PPP2R3A: variants seen among roughly 807,000 people sequenced by gnomAD.
PPP2R3A encodes the protein serine/threonine-protein phosphatase 2A regulatory subunit B'' subunit alpha.
A neutral mutation model predicts 106.9 loss-of-function variants in PPP2R3A; 80 were observed. The ratio of observed to expected loss-of-function variants is 0.75; its 90% CI spans 0.62 to 0.90. The LOEUF is 0.90. Among genes scored for constraint, PPP2R3A ranks in the 40% least tolerant of loss-of-function variants. The pLI is 0.00. For missense variants in PPP2R3A, 1,386 were observed against 1,350.4 expected, an observed-to-expected ratio of 1.03 and a Z score of -0.41; for synonymous variants, 483 against 468.3, an observed-to-expected ratio of 1.03 and a Z score of -0.41.
intron 13 of PPP2R3A, among the ~76,000 whole-genome samples, chr3:136,122,833 G>A (rs1407423856): frequency 6.6e-6 from 1 of 152,092 alleles, no homozygotes; most frequent in East Asian, 1.9e-4. Context: ...GAAGTAAATG[G>A]GTGTTATCCC....
chr3:136,093,052 T>G (rs1405670478), intron 10 of PPP2R3A, among the ~76,000 whole-genome samples: 1 of 152,202 alleles, frequency 6.6e-6, no homozygotes, highest in Admixed American at 6.5e-5. Context: ...GGCAGTTTCT[T>G]AGATGTGACA....
At chr3:136,066,885 T>C (rs1936276230) in intron 5 of PPP2R3A, among the ~76,000 whole-genome samples, 2 of 152,220 alleles carry the variant, frequency 1.3e-5, no homozygotes, top group Non-Finnish European at 2.9e-5. Context: ...ATATCATTTA[T>C]TAATGTCGTA....
At chr3:136,018,110 T>C (rs1332706366) in intron 2 of PPP2R3A, among the ~76,000 whole-genome samples, 6 of 152,096 alleles carry the variant, frequency 3.9e-5, no homozygotes, top group African/African-American at 1.4e-4. Flanking sequence ...CTACTAAAAA[T>C]ACAAAAATTA....
At position 136,145,925 on chromosome 3, in the gene PPP2R3A, T is replaced by C. The variant is rs1054538669; in HGVS notation, c.*759T>C. The C allele has an allele frequency of 6.6e-6, 1 of 152,228 alleles. No individual in the cohort carries two copies. Among genetic ancestry groups the C allele is most frequent in the South Asian group, 2.1e-4 (1 of 4,834 alleles). 9.4% of individuals were successfully genotyped at this position (152,228 alleles called of 1,614,324 possible). A position where few individuals can be genotyped will look rare whatever the true frequency, so the allele number is the denominator to read the frequency against. On this transcript the variant is annotated 3_prime_UTR_variant, in exon 14 of 14. Coordinates refer to ENST00000264977, the MANE Select transcript of PPP2R3A (RefSeq NM_002718.5). ...CCTTTTAACTTTTATCTTTTATTCATTGAACTATTGAATGATGTATTTAAT... is the reference window on the plus strand; with the variant it reads ...CCTTTTAACTTTTATCTTTTATTCACTGAACTATTGAATGATGTATTTAAT...
rs35643220 is a variant in PPP2R3A, at chr3:136,011,994, T to TACACACACACAC, written c.1995+8510_1995+8521dup. 4.7e-5 allele frequency among the ~76,000 whole-genome samples: 7 copies of TACACACACACAC among 148,278 alleles called. No homozygotes were observed. The South Asian group carries it at 1.3e-3, about 27-fold the overall frequency. On this transcript the variant is annotated intron_variant, in intron 2 of 13. Coordinates refer to ENST00000264977, the MANE Select transcript of PPP2R3A (RefSeq NM_002718.5). ...AATCATACACACACACACACACACA[T>TACACACACACAC]ACACACACACACACACACACTCTCC...
At chr3:135,977,253 TTC>T (rs1290192511) in intron 1 of PPP2R3A, among the ~76,000 whole-genome samples, 2 of 152,214 alleles carry the variant, frequency 1.3e-5, no homozygotes, top group Non-Finnish European at 2.9e-5. Context: ...GTCTTGACTC[TTC>T]TGGCACATTT....
intron 1 of PPP2R3A, among the ~76,000 whole-genome samples, chr3:135,993,268 A>G (rs1457981050): frequency 2.0e-5 from 3 of 152,206 alleles, no homozygotes; most frequent in Admixed American, 2.0e-4. Flanking sequence ...GACACTTCAC[A>G]AAAGAAGATA....
At chr3:136,096,968 C>CAA (rs995660064) in intron 10 of PPP2R3A, among the ~76,000 whole-genome samples, 20 of 141,562 alleles carry the variant, frequency 1.4e-4, no homozygotes, top group African/African-American at 6.4e-4. Flanking sequence ...GACTTTGTCT[C>CAA]ACACACACAC....
At position 136,145,417 on chromosome 3, in the gene PPP2R3A, C is replaced by T. The variant is rs548730438; in HGVS notation, c.*251C>T. On this transcript the variant is annotated 3_prime_UTR_variant, in exon 14 of 14. Coordinates refer to ENST00000264977, the MANE Select transcript of PPP2R3A (RefSeq NM_002718.5). Reference sequence around the variant, plus strand: ...ACCATCGCCTTCCAAAGTCAGCACTCTACACTCTTGAATGTACCAAGGATC... The same window carrying T: ...ACCATCGCCTTCCAAAGTCAGCACTTTACACTCTTGAATGTACCAAGGATC... 6.9e-5 allele frequency: 22 copies of T among 320,344 alleles called. No homozygotes were observed. The highest frequency in any genetic ancestry group is 2.0e-3 in the Middle Eastern group (2 of 1,020). The allele number at this position is 320,344 out of a possible 1,614,324, so 19.8% of individuals were successfully genotyped here. A position where few individuals can be genotyped will look rare whatever the true frequency, so the allele number is the denominator to read the frequency against.
intron 2 of PPP2R3A, among the ~76,000 whole-genome samples, chr3:136,006,801 T>C (rs1364632676): frequency 6.6e-6 from 1 of 152,250 alleles, no homozygotes; most frequent in African/African-American, 2.4e-5. Context: ...GAATCCATTA[T>C]TTCTCTCAAA....
intron 2 of PPP2R3A, among the ~76,000 whole-genome samples, chr3:136,005,261 C>T (rs946143832): frequency 1.3e-5 from 2 of 152,114 alleles, no homozygotes; most frequent in Admixed American, 1.3e-4. Context: ...GGGCCCCATC[C>T]CCAAGGTATC....
At position 136,145,121 on chromosome 3, in the gene PPP2R3A, C is replaced by G. The variant is rs1014342368; in HGVS notation, c.3408C>G (p.Ser1136Arg). The G allele has an allele frequency of 1.2e-6, 2 of 1,613,762 alleles. No homozygotes were observed. The highest frequency in any genetic ancestry group is 1.7e-4 in the Middle Eastern group (1 of 6,060). Residue 1136 changes from serine to arginine, a missense_variant, in exon 14 of 14, where the codon AGC (serine) becomes AGG (arginine). Ser to Arg is a moderately radical substitution (Grantham distance 110). Transcript: ENST00000264977. ...AAAGCAATAAAATATTAAGTGCAAG[C>G]CTTCCAGAGAAATGTGGAAAGCTTC... Reference protein sequence around the residue: ...GNKSNKILSASLPEKCGKLQS... With the variant: ...GNKSNKILSARLPEKCGKLQS...
chr3:136,140,442 T>TAAAAAAAAAAAAAAAAAAAAAAAA (rs199699500), intron 13 of PPP2R3A, among the ~76,000 whole-genome samples: 2 of 87,240 alleles, frequency 2.3e-5, no homozygotes, highest in African/African-American at 9.6e-5. Flanking sequence ...TGAGACTCTT[T>TAAAAAAAAAAAAAAAAAAAAAAAA]AAAAAAAAAA....
chr3:135,979,418 T>C (rs1485582511), intron 1 of PPP2R3A, among the ~76,000 whole-genome samples: 2 of 151,578 alleles, frequency 1.3e-5, no homozygotes, highest in African/African-American at 2.4e-5. Context: ...TTGAGAAACA[T>C]TGATCTGCAT....
chr3:136,003,886 TC>T (rs1327932080), intron 2 of PPP2R3A, among the ~76,000 whole-genome samples: 1 of 152,170 alleles, frequency 6.6e-6, no homozygotes, highest in Non-Finnish European at 1.5e-5. Context: ...GTCGTCACCC[TC>T]CCCAGCCAAC....
intron 2 of PPP2R3A, among the ~76,000 whole-genome samples, chr3:136,018,203 G>A (rs2107810611): frequency 6.6e-6 from 1 of 152,314 alleles, no homozygotes; most frequent in South Asian, 2.1e-4. Flanking sequence ...GGAGGTGGAG[G>A]TTGCAGTGAG....
rs147126618 is a variant in PPP2R3A, at chr3:136,092,095, G to A, written c.2927+1428G>A. Among the ~76,000 whole-genome samples the A allele has an allele frequency of 9.9e-4, 150 of 152,270 alleles. 1 individual carries two copies. The highest frequency in any genetic ancestry group is 3.5e-3 in the African/African-American group (144 of 41,558). ...TGTAATTTCAGCACTTTGGGAGGCC[G>A]AGGTGGGCAGATCACCTGAGATCAG... On this transcript the variant is annotated intron_variant, in intron 10 of 13. Coordinates refer to ENST00000264977, the MANE Select transcript of PPP2R3A (RefSeq NM_002718.5).
chr3:136,117,780 C>T (rs561580337), intron 13 of PPP2R3A, among the ~76,000 whole-genome samples: 2 of 152,100 alleles, frequency 1.3e-5, no homozygotes, highest in South Asian at 2.1e-4. Context: ...GATTAACAGC[C>T]GAATTCTACC....
chr3:135,989,730 T>C (rs998113478), intron 1 of PPP2R3A, among the ~76,000 whole-genome samples: 2 of 152,160 alleles, frequency 1.3e-5, no homozygotes, highest in African/African-American at 2.4e-5. Context: ...TAACTTGCCT[T>C]ACTAGAGAGT....
Sources: gnomAD v4.1 joint callset for allele counts (sites outside exome capture counted in the v4.1 genomes callset) on GRCh38, gnomAD v4.1.1 for gene constraint, MANE v1.5 for transcripts, NCBI Gene and HGNC (gene_info 2026-07-23, HGNC 2026-07-21) for gene names.